DMD: variants seen among roughly 807,000 people sequenced by gnomAD.
DMD encodes the protein mutant dystrophin.
A neutral mutation model predicts 330.1 loss-of-function variants in DMD; 63 were observed. That is an observed-to-expected ratio of 0.19 (90% CI 0.16 to 0.24). DMD has a LOEUF of 0.24. Ranked by LOEUF, DMD falls within the 10% of genes least tolerant of loss-of-function variation. The pLI is 1.00. For missense variants in DMD, 3,344 were observed against 2,684.1 expected (o/e 1.25, Z -5.43); for synonymous variants, 1,223 against 959.8 (o/e 1.27, Z -5.07).
chrX:32,744,821 T>C (rs2069767795), intron 7 of DMD, among the ~76,000 whole-genome samples: 1 of 112,162 alleles, frequency 8.9e-6, no homozygotes, highest in Admixed American at 9.5e-5. Flanking sequence ...TCCGAAAAGA[T>C]ACAATTTTTC....
At chrX:33,228,468 A>G (rs2052331159) in intron 1 of DMD, among the ~76,000 whole-genome samples, 1 of 110,229 alleles carries the variant, frequency 9.1e-6, no homozygotes, top group Non-Finnish European at 1.9e-5. Flanking sequence ...TAAAATCTCT[A>G]TATTTAAAAT....
chrX:32,345,022 T>G (rs1202924669), intron 39 of DMD, among the ~76,000 whole-genome samples: 1 of 111,192 alleles, frequency 9.0e-6, no homozygotes, highest in East Asian at 2.8e-4. Context: ...TTCTCAGCAG[T>G]GTTTATTTGG....
At chrX:31,825,321 A>C (rs770195193) in intron 49 of DMD, among the ~76,000 whole-genome samples, 1 of 111,996 alleles carries the variant, frequency 8.9e-6, no homozygotes, top group Non-Finnish European at 1.9e-5. Flanking sequence ...ATGGGATGAA[A>C]TCTCATCCTA....
intron 1 of DMD, among the ~76,000 whole-genome samples, chrX:33,303,126 T>A (rs777031747): frequency 8.9e-6 from 1 of 111,973 alleles, no homozygotes; most frequent in African/African-American, 3.2e-5. Context: ...CATCTTATTG[T>A]CTGAATGTTC....
intron 43 of DMD, among the ~76,000 whole-genome samples, chrX:32,222,690 A>G (rs1414996327): frequency 8.9e-6 from 1 of 112,069 alleles, no homozygotes; most frequent in African/African-American, 3.2e-5. Flanking sequence ...AAATGCAAAT[A>G]AAATGACCAA....
At chrX:31,984,532 C>T (rs1444967286) in intron 44 of DMD, among the ~76,000 whole-genome samples, 1 of 112,076 alleles carries the variant, frequency 8.9e-6, no homozygotes, top group Admixed American at 9.4e-5. Context: ...TCAAATAGAT[C>T]TTTTCTCTTG....
chrX:32,634,616 T>C (rs2146661551), intron 11 of DMD, among the ~76,000 whole-genome samples: 1 of 111,869 alleles, frequency 8.9e-6, no homozygotes, highest in East Asian at 2.8e-4. Flanking sequence ...GCCCAGGGTG[T>C]GTTCAGAAAT....
intron 63 of DMD, among the ~76,000 whole-genome samples, chrX:31,232,746 G>A (rs1286876135): frequency 1.8e-5 from 2 of 111,699 alleles, no homozygotes; most frequent in East Asian, 2.8e-4. Context: ...GCTTAATCTC[G>A]AAGCTGCACC....
chrX:32,068,280 A>G (rs1353485546), intron 44 of DMD, among the ~76,000 whole-genome samples: 1 of 111,014 alleles, frequency 9.0e-6, no homozygotes, highest in African/African-American at 3.3e-5. Context: ...ATAACTTGCA[A>G]AAGTTTTCTC....
intron 1 of DMD, among the ~76,000 whole-genome samples, chrX:33,077,062 C>G (rs1007150695): frequency 9.0e-6 from 1 of 110,989 alleles, no homozygotes; most frequent in African/African-American, 3.3e-5. Context: ...GTTTATTGAT[C>G]TGGGTGGTGC....
At chrX:32,083,157 A>G (rs183924131) in intron 44 of DMD, among the ~76,000 whole-genome samples, 3 of 112,435 alleles carry the variant, frequency 2.7e-5, no homozygotes, top group African/African-American at 9.7e-5. Flanking sequence ...GAAGTCCTGC[A>G]TAACTCCTTT....
At chrX:32,716,109 G>A (rs185351146) in intron 7 of DMD, among the ~76,000 whole-genome samples, 43 of 111,291 alleles carry the variant, frequency 3.9e-4, no homozygotes, top group Non-Finnish European at 7.9e-4. Context: ...GAAAAATACT[G>A]AACAGCGTCA....
In DMD at chrX:31,169,723, T is replaced by C. The variant is rs2039799610; in HGVS notation, c.10395-122A>G. The C allele has an allele frequency of 6.2e-6, 4 of 648,739 alleles. No individual in the cohort carries two copies. The Admixed American group carries it at 1.1e-4, about 18-fold the overall frequency. 53.5% of individuals were successfully genotyped at this position (648,739 alleles called of 1,213,427 possible). A position where few individuals can be genotyped will look rare whatever the true frequency, so the allele number is the denominator to read the frequency against. ...TTGCTCTTAACAATTAATTAGACCTTTTTTCCTGCTTCTAAAGACCTTTTG... is the reference window on the plus strand; with the variant it reads ...TTGCTCTTAACAATTAATTAGACCTCTTTTCCTGCTTCTAAAGACCTTTTG... On this transcript the variant is annotated intron_variant, in intron 73 of 78. Transcript: ENST00000357033.
In DMD at chrX:31,272,757, C is replaced by T. The variant is rs1206193079; in HGVS notation, c.9225-11741G>A. ...TTTACTGCATGAAGACTTTTCACTG[C>T]AAAATGGGAGGATGTTGAAAGATTC... On this transcript the variant is annotated intron_variant, in intron 62 of 78. Coordinates refer to ENST00000357033, the MANE Select transcript of DMD (RefSeq NM_004006.3). Among the ~76,000 whole-genome samples the T allele has an allele frequency of 3.6e-5, 4 of 111,761 alleles. No individual in the cohort carries two copies. In the Admixed American group the frequency reaches 3.8e-4, roughly 11 times the overall value.
intron 44 of DMD, among the ~76,000 whole-genome samples, chrX:32,064,976 A>T (rs1215464610): frequency 9.0e-6 from 1 of 111,493 alleles, no homozygotes; most frequent in Non-Finnish European, 1.9e-5. Flanking sequence ...AACTGATGTC[A>T]GCCCGTGCTG....
At position 31,284,855 on chromosome X, in the gene DMD, CA is replaced by C. The variant is rs1569517118; in HGVS notation, c.9225-23840del. 7.7e-4 allele frequency among the ~76,000 whole-genome samples: 83 copies of C among 107,851 alleles called. 1 individual carries two copies. The highest frequency in any genetic ancestry group is 2.7e-3 in the African/African-American group (78 of 29,182). The allele number at this position is 107,851 out of a possible 115,157, so 93.7% of individuals were successfully genotyped here. A position where few individuals can be genotyped will look rare whatever the true frequency, so the allele number is the denominator to read the frequency against. ...ACACACACACACACACACACACACA[CA>C]CACACACCCACACCCACACACGCAA... On this transcript the variant is annotated intron_variant, in intron 62 of 78. Coordinates refer to ENST00000357033, the MANE Select transcript of DMD (RefSeq NM_004006.3).
intron 62 of DMD, among the ~76,000 whole-genome samples, chrX:31,271,769 T>C (rs138673442): frequency 0.043 from 4,863 of 111,968 alleles, 99 homozygotes; most frequent in Non-Finnish European, 0.07. Context: ...ATATTCCTCT[T>C]TGCATAGTAC....
intron 76 of DMD, among the ~76,000 whole-genome samples, chrX:31,139,802 C>T (rs1037469682): frequency 2.7e-5 from 3 of 110,900 alleles, no homozygotes; most frequent in South Asian, 3.9e-4. Flanking sequence ...AAATCACCAC[C>T]GAAGAACTTA....
intron 62 of DMD, among the ~76,000 whole-genome samples, chrX:31,293,204 AGTGTGTGTGTGTGTGTGTGTGTGT>A (rs559104990): frequency 1.7e-5 from 1 of 58,488 alleles, no homozygotes; most frequent in Admixed American, 2.1e-4. Context: ...AGTCTGGTTT[AGTGTGTGTGTGTGTGTGTGTGTGT>A]GTGTGTGTGT....
Sources: allele counts gnomAD v4.1 joint callset (sites outside exome capture counted in the v4.1 genomes callset), GRCh38; gene constraint gnomAD v4.1.1; transcripts MANE v1.5; gene names NCBI Gene and HGNC (gene_info 2026-07-23, HGNC 2026-07-21).